Variants in NRXN3 observed in about 807,000 individuals in gnomAD.
The protein encoded by NRXN3 is neurexin III.
Under a neutral mutation model 137.6 loss-of-function variants are expected in NRXN3, and 32 were observed. The ratio of observed to expected loss-of-function variants is 0.23; its 90% CI spans 0.18 to 0.31. The LOEUF (loss-of-function observed/expected upper bound fraction) is 0.31, where lower values mean the gene tolerates loss of function less well. NRXN3 is among the 10% of genes least tolerant of loss of function. The pLI, the probability that NRXN3 is intolerant of heterozygous loss-of-function variation, is 1.00. For synonymous variants in NRXN3, 798 were observed against 784.5 expected, an observed-to-expected ratio of 1.02 and a Z score of -0.29; for missense variants, 1,574 against 2,062.5, an observed-to-expected ratio of 0.76 and a Z score of 4.59.
intron 16 of NRXN3, among the ~76,000 whole-genome samples, chr14:79,637,297 ATTATTG>A (rs1402224959): frequency 2.0e-5 from 3 of 151,670 alleles, no homozygotes; most frequent in African/African-American, 7.2e-5. Context: ...TGATATTATT[ATTATTG>A]TTATTGTTAT....
chr14:78,686,557 G>A (rs1483700936), intron 6 of NRXN3, among the ~76,000 whole-genome samples: 2 of 152,180 alleles, frequency 1.3e-5, no homozygotes, highest in Admixed American at 6.5e-5. Flanking sequence ...CCCTCATATT[G>A]AGAAACCCAA....
chr14:78,225,981 GT>G lies in NRXN3; in HGVS notation c.-703-16409del, dbSNP rs1192075321. ...TGTGTGTGTGTGTGTGTTGGTGTGT[GT>G]GTGTGTGTGTGTGTGTGTGTGTGTG... is the stretch of plus-strand genomic sequence containing the variant. On this transcript the variant is annotated intron_variant, in intron 1 of 20. Transcript: ENST00000335750. Among the ~76,000 whole-genome samples, 653 of 125,542 alleles carry G rather than the reference GT, an allele frequency of 5.2e-3. 4 individuals are homozygous for G. The highest frequency in any genetic ancestry group is 0.012 in the East Asian group (52 of 4,500). 82.4% of individuals were successfully genotyped at this position (125,542 alleles called of 152,430 possible). A position where few individuals can be genotyped will look rare whatever the true frequency, so the allele number is the denominator to read the frequency against.
chr14:79,087,801 C>T (rs959376277), intron 15 of NRXN3, among the ~76,000 whole-genome samples: 3 of 152,190 alleles, frequency 2.0e-5, no homozygotes, highest in Admixed American at 1.3e-4. Context: ...TATCAGGCAA[C>T]CGCTGCCATC....
At chr14:78,951,317 A>C (rs1482478374) in intron 10 of NRXN3, among the ~76,000 whole-genome samples, 1 of 152,146 alleles carries the variant, frequency 6.6e-6, no homozygotes, top group Non-Finnish European at 1.5e-5. Flanking sequence ...GTACCATGTC[A>C]TTAGGACTTC....
At chr14:78,769,475 A>G (rs2098719888) in intron 8 of NRXN3, among the ~76,000 whole-genome samples, 1 of 152,182 alleles carries the variant, frequency 6.6e-6, no homozygotes, top group Non-Finnish European at 1.5e-5. Context: ...TAACTAATTG[A>G]CTTCCTTTCT....
intron 16 of NRXN3, among the ~76,000 whole-genome samples, chr14:79,655,586 TCATGCAATA>T (rs2098501773): frequency 6.6e-6 from 1 of 152,230 alleles, no homozygotes; most frequent in Non-Finnish European, 1.5e-5. Flanking sequence ...TTCTTTTTTT[TCATGCAATA>T]CATGCTCTAT....
intron 19 of NRXN3, among the ~76,000 whole-genome samples, chr14:79,794,829 G>A (rs1226098267): frequency 2.0e-5 from 3 of 152,150 alleles, no homozygotes; most frequent in Non-Finnish European, 4.4e-5. Flanking sequence ...TGTGCCATTG[G>A]GGCATCAGGA....
chr14:78,502,547 T>G (rs1347215993), intron 4 of NRXN3, among the ~76,000 whole-genome samples: 1 of 152,166 alleles, frequency 6.6e-6, no homozygotes, highest in Non-Finnish European at 1.5e-5. Context: ...TTTCTGTATT[T>G]GAATAGCAAT....
At position 78,968,345 on chromosome 14, in the gene NRXN3, A is replaced by T. The variant is rs537752559; in HGVS notation, c.3141A>T (p.Glu1047Asp). 6.2e-7 allele frequency: 1 copy of T among 1,612,626 alleles called. No individual in the cohort carries two copies. The highest frequency in any genetic ancestry group is 8.5e-7 in the Non-Finnish European group (1 of 1,178,936). The change falls in exon 14 of 21, where the codon GAA (glutamate) becomes GAT (aspartate). Residue 1047 changes from glutamate (E) to aspartate (D), a missense_variant and splice_region_variant. By Grantham distance (45) the Glu-to-Asp change is conservative. Around this residue, in one of 5 missense-constraint regions of NRXN3, gnomAD observed 718 missense variants for 887.6 expected, o/e 0.81. Transcript: ENST00000335750. ...GCGGACAGATCGAGCGTGGCTGTGA[A>T]GGTACAACCTATTTTTTTCTTGTTA... is the stretch of plus-strand genomic sequence containing the variant. ...HRSGQIERGC[E>D]GPSTTCQEDS...
chr14:79,712,371 C>T (rs556877809), intron 19 of NRXN3, among the ~76,000 whole-genome samples: 505 of 152,270 alleles, frequency 3.3e-3, no homozygotes, highest in Non-Finnish European at 5.5e-3. Flanking sequence ...AAAATTCTAT[C>T]GCATTTCGAT....
chr14:78,225,318 T>G (rs192465995), intron 1 of NRXN3, among the ~76,000 whole-genome samples: 1 of 152,334 alleles, frequency 6.6e-6, no homozygotes, highest in African/African-American at 2.4e-5. Context: ...GGTATCTCAT[T>G]GTGGTTTTGA....
rs550879460 is a variant in NRXN3, at chr14:78,531,563, G to A, written c.758-113557G>A. On this transcript the variant is annotated intron_variant, in intron 4 of 20. Coordinates refer to ENST00000335750, the MANE Select transcript of NRXN3 (RefSeq NM_001330195.2). Reference sequence around the variant, plus strand: ...ACAAAAGGGCTCATGATAGAGCTCAGTTACCTTCTGCTATCCATCTGTGCC... The same window carrying A: ...ACAAAAGGGCTCATGATAGAGCTCAATTACCTTCTGCTATCCATCTGTGCC... Among the ~76,000 whole-genome samples the A allele has an allele frequency of 5.9e-5, 9 of 152,280 alleles. No homozygotes were observed. The South Asian group carries it at 1.9e-3, about 32-fold the overall frequency.
chr14:78,627,104 TTCTCTCTCTCTCTCTCTC>T (rs68104206), intron 4 of NRXN3, among the ~76,000 whole-genome samples: 3,137 of 121,110 alleles, frequency 0.026, 133 homozygotes, highest in African/African-American at 0.093. Flanking sequence ...CCTCCCTCCC[TTCTCTCTCTCTCTCTCTC>T]TCTCTCTCTC....
Position 79,867,961 on chromosome 14 carries a change from T to G in NRXN3, c.*5997T>G, listed in dbSNP as rs768089560. ...TAGAGTGAATTTCAAGATATCTGAG[T>G]TTTTTTTTTTTAATGATTACATGGG... On this transcript the variant is annotated 3_prime_UTR_variant, in exon 21 of 21. Coordinates refer to ENST00000335750, the MANE Select transcript of NRXN3 (RefSeq NM_001330195.2). 25 of 1,030 alleles carry G rather than the reference T, an allele frequency of 0.024. No individual in the cohort carries two copies. Among genetic ancestry groups the G allele is most frequent in the Middle Eastern group, 0.12 (2 of 16 alleles). 0.1% of individuals were successfully genotyped at this position (1,030 alleles called of 1,614,324 possible). A position where few individuals can be genotyped will look rare whatever the true frequency, so the allele number is the denominator to read the frequency against.
chr14:79,746,041 A>G (rs758950441), intron 19 of NRXN3, among the ~76,000 whole-genome samples: 3 of 152,100 alleles, frequency 2.0e-5, no homozygotes, highest in Admixed American at 6.6e-5. Flanking sequence ...GGTAGCGGGG[A>G]TTAGAACTTC....
chr14:79,756,712 T>G (rs1015640980), intron 19 of NRXN3, among the ~76,000 whole-genome samples: 1 of 152,170 alleles, frequency 6.6e-6, no homozygotes, highest in South Asian at 2.1e-4. Flanking sequence ...CCAGTCAAAG[T>G]GCTCCCAATA....
rs1406136610 is a variant in NRXN3 at position 78,753,275 on chromosome 14, C to T, written c.2044+38136C>T. ...GGGATAGATACAACAGTGAGCAAAA[C>T]AGAAAAAAAAAATTCTGTATTTCTG... On this transcript the variant is annotated intron_variant, in intron 8 of 20. Coordinates refer to ENST00000335750, the MANE Select transcript of NRXN3 (RefSeq NM_001330195.2). Among the ~76,000 whole-genome samples, 4 of 151,674 alleles carry T rather than the reference C, an allele frequency of 2.6e-5. No individual in the cohort carries two copies. In the East Asian group the frequency reaches 5.8e-4, roughly 22 times the overall value.
intron 8 of NRXN3, among the ~76,000 whole-genome samples, chr14:78,766,163 T>A (rs181893397): frequency 6.6e-6 from 1 of 152,340 alleles, no homozygotes; most frequent in Non-Finnish European, 1.5e-5. Context: ...TAATCATGGA[T>A]GGTCCTTTGT....
chr14:79,555,611 G>A (rs566575276), intron 16 of NRXN3, among the ~76,000 whole-genome samples: 2 of 152,050 alleles, frequency 1.3e-5, no homozygotes, highest in South Asian at 2.1e-4. Flanking sequence ...ATTTCAAAAT[G>A]ACTTCTCAGA....
Sources: allele counts gnomAD v4.1 joint callset (sites outside exome capture counted in the v4.1 genomes callset), GRCh38; gene constraint gnomAD v4.1.1; regional missense constraint gnomAD v4.1.1; transcripts MANE v1.5; gene names NCBI Gene and HGNC (gene_info 2026-07-23, HGNC 2026-07-21).